The following RBFOX2 variants were observed in gnomAD, a reference collection of about 807,000 sequenced individuals.
RBFOX2 encodes the protein RNA binding fox-1 homolog 2, also known as RNA binding protein fox-1 homolog 2.
Under a neutral mutation model 49.1 loss-of-function variants are expected in RBFOX2, and 10 were observed. The observed-to-expected ratio is 0.20, with a 90% CI of 0.13 to 0.35. The LOEUF is 0.35. RBFOX2 is among the 10% of genes least tolerant of loss of function. The probability of loss-of-function intolerance (pLI) is 1.00; values close to 1 mark genes in which losing one functional copy is unlikely to be tolerated. For missense variants in RBFOX2, 323 were observed against 486.9 expected, an observed-to-expected ratio of 0.66 and a Z score of 3.17; for synonymous variants, 183 against 187.4, an observed-to-expected ratio of 0.98 and a Z score of 0.19.
chr22:35,955,025 A>T (rs1157344014), intron 1 of RBFOX2, among the ~76,000 whole-genome samples: 1 of 152,190 alleles, frequency 6.6e-6, no homozygotes, highest in Non-Finnish European at 1.5e-5. Flanking sequence ...ACGTTCTCAA[A>T]CATCAACTCA....
intron 1 of RBFOX2, among the ~76,000 whole-genome samples, chr22:35,986,858 A>G (rs1285831528): frequency 6.6e-6 from 1 of 152,052 alleles, no homozygotes; most frequent in Non-Finnish European, 1.5e-5. Context: ...ATTTTTAGAC[A>G]CCAGCCAATT....
intron 2 of RBFOX2, among the ~76,000 whole-genome samples, chr22:35,804,663 A>T (rs534618701): frequency 6.6e-6 from 1 of 152,210 alleles, no homozygotes; most frequent in South Asian, 2.1e-4. Flanking sequence ...TAGCTAACAA[A>T]ACTATCATTC....
chr22:35,811,160 T>C (rs1951792014), intron 1 of RBFOX2, among the ~76,000 whole-genome samples: 1 of 151,510 alleles, frequency 6.6e-6, no homozygotes, highest in Non-Finnish European at 1.5e-5. Context: ...AGGCAGAGAA[T>C]TGGGGGTGGG....
chr22:35,804,616 G>C (rs896443687), intron 2 of RBFOX2, among the ~76,000 whole-genome samples: 19 of 152,028 alleles, frequency 1.2e-4, no homozygotes, highest in East Asian at 5.8e-4. Flanking sequence ...TTAAAGGGCT[G>C]GGGGGTGGAG....
intron 1 of RBFOX2, among the ~76,000 whole-genome samples, chr22:35,846,512 C>A (rs2041234764): frequency 1.3e-5 from 2 of 151,730 alleles, no homozygotes; most frequent in Non-Finnish European, 2.9e-5. Flanking sequence ...ATTTGGGAGG[C>A]CGAGGAGGTG....
Position 35,759,843 on chromosome 22 carries a change from A to G in RBFOX2, c.887+45T>C, listed in dbSNP as rs1455535846. ...GGCCATGGTATTCTTTTTTGGTCCAACTGCTTATTTTAGAAACATACTGAT... is the reference window on the plus strand; with the variant it reads ...GGCCATGGTATTCTTTTTTGGTCCAGCTGCTTATTTTAGAAACATACTGAT... On this transcript the variant is annotated intron_variant, in intron 9 of 11. Transcript: ENST00000405409. The surrounding 1 kb of genome is among the most constrained non-coding windows in gnomAD (Gnocchi z 4.6). 2.3e-5 allele frequency: 37 copies of G among 1,605,568 alleles called. No homozygotes were observed. The highest frequency in any genetic ancestry group is 2.9e-5 in the Non-Finnish European group (34 of 1,173,978).
chr22:35,861,665 A>G (rs955218511), intron 1 of RBFOX2, among the ~76,000 whole-genome samples: 2 of 152,246 alleles, frequency 1.3e-5, no homozygotes, highest in Non-Finnish European at 2.9e-5. Flanking sequence ...GGAGGAACCG[A>G]AAGTCTCATA....
At chr22:35,965,787 G>C (rs1366524939), upstream of RBFOX2, among the ~76,000 whole-genome samples, 1 of 152,054 alleles carries the variant, frequency 6.6e-6, no homozygotes, top group African/African-American at 2.4e-5. Context: ...CATCCTACAA[G>C]CTCGACAGGA....
intron 2 of RBFOX2, among the ~76,000 whole-genome samples, chr22:35,799,586 G>C (rs1452528144): frequency 1.3e-5 from 2 of 152,092 alleles, no homozygotes; most frequent in East Asian, 3.8e-4. Flanking sequence ...CTTAAATGGA[G>C]CTGTAGCTCA....
intron 1 of RBFOX2, chr22:36,000,006 T>TATATATATATATA (rs1556524955): frequency 1.9e-4 from 15 of 80,108 alleles, no homozygotes; most frequent in East Asian, 8.4e-4. Flanking sequence ...TATATATATA[T>TATATATATATATA]TTTTTTTTTT....
chr22:35,944,034 CATCTGTAAA>C (rs1180907517), intron 1 of RBFOX2, among the ~76,000 whole-genome samples: 1 of 152,230 alleles, frequency 6.6e-6, no homozygotes, highest in Non-Finnish European at 1.5e-5. Flanking sequence ...TATGTACCTA[CATCTGTAAA>C]ATCTCTTTAA....
chr22:35,865,882 T>C (rs571857230), intron 1 of RBFOX2, among the ~76,000 whole-genome samples: 1 of 152,182 alleles, frequency 6.6e-6, no homozygotes, highest in East Asian at 1.9e-4. Flanking sequence ...AAAAGGCAGC[T>C]ATGCCATGAA....
chr22:35,899,007 A>G (rs1175689659), intron 1 of RBFOX2, among the ~76,000 whole-genome samples: 2 of 151,932 alleles, frequency 1.3e-5, no homozygotes, highest in Non-Finnish European at 2.9e-5. Context: ...AATCCCAGCT[A>G]CTCAGGAGGC....
chr22:35,993,774 G>A (rs1185399068), intron 1 of RBFOX2: 2 of 152,178 alleles, frequency 1.3e-5, no homozygotes, highest in African/African-American at 4.8e-5. Context: ...ATCACTTAAG[G>A]TCAGGAGTTT....
Position 35,839,231 on chromosome 22 carries a change from A to G in RBFOX2, c.27+961T>C, listed in dbSNP as rs530800771. On this transcript the variant is annotated intron_variant, in intron 1 of 11. Coordinates refer to ENST00000405409, the Ensembl canonical transcript of RBFOX2. Reference sequence around the variant, plus strand: ...TTTCCTCTTAACCTATACATAAAGGAAAAAGGGTAATGGAGCGTACAGAAG... The same window carrying G: ...TTTCCTCTTAACCTATACATAAAGGGAAAAGGGTAATGGAGCGTACAGAAG... Among the ~76,000 whole-genome samples the G allele has an allele frequency of 8.5e-5, 13 of 152,370 alleles. No individual in the cohort carries two copies. The South Asian group carries it at 2.7e-3, about 32-fold the overall frequency.
At chr22:36,027,915 T>TC (rs1468775489) in intron 1 of RBFOX2, among the ~76,000 whole-genome samples, 1 of 152,042 alleles carries the variant, frequency 6.6e-6, no homozygotes, top group Non-Finnish European at 1.5e-5. Context: ...TTTCCCGGCT[T>TC]CCACTCCACC....
intron 1 of RBFOX2, among the ~76,000 whole-genome samples, chr22:35,862,277 A>G (rs1449379783): frequency 6.6e-6 from 1 of 151,906 alleles, no homozygotes; most frequent in Non-Finnish European, 1.5e-5. Context: ...AGTTCATTGT[A>G]TATCAATTAT....
chr22:35,799,061 TAGTA>T (rs1397402014), intron 2 of RBFOX2, among the ~76,000 whole-genome samples: 2 of 152,172 alleles, frequency 1.3e-5, no homozygotes, highest in Admixed American at 6.5e-5. Context: ...AAGCACTTGC[TAGTA>T]AGTGTTTGTA....
intron 1 of RBFOX2, chr22:35,993,094 A>T (rs2058047782): frequency 6.6e-6 from 1 of 150,882 alleles, no homozygotes. Flanking sequence ...GAATCAACTA[A>T]GGAACACATA....
Sources: gnomAD v4.1 joint callset for allele counts (sites outside exome capture counted in the v4.1 genomes callset) on GRCh38, gnomAD v4.1.1 for gene constraint, Gnocchi (gnomAD v3.1) non-coding constraint, MANE v1.5 for transcripts, NCBI Gene and HGNC (gene_info 2026-07-23, HGNC 2026-07-21) for gene names.